RGPD3: variants seen among roughly 807,000 people sequenced by gnomAD.
RGPD3 encodes RANBP2 like and GRIP domain containing 3.
In RGPD3, 62 loss-of-function variants were observed where a neutral mutation model predicts 154.5. The observed-to-expected ratio is 0.40, with a 90% CI of 0.33 to 0.50. The LOEUF is 0.50. RGPD3 is among the 20% of genes least tolerant of loss of function. The pLI, the probability that RGPD3 is intolerant of heterozygous loss-of-function variation, is 0.59. For missense variants in RGPD3, 919 were observed against 1,716.8 expected, an observed-to-expected ratio of 0.54 and a Z score of 8.21; for synonymous variants, 308 against 607.0, an observed-to-expected ratio of 0.51 and a Z score of 7.24.
At chr2:106,415,405 C>T (rs182038508) in intron 21 of RGPD3, among the ~76,000 whole-genome samples, 3 of 152,004 alleles carry the variant, frequency 2.0e-5, no homozygotes, top group Admixed American at 6.5e-5. Flanking sequence ...TGGCTGGATG[C>T]GGTGGCTCAC....
intron 4 of RGPD3, 133 bp downstream of exon 4, chr2:106,456,838 C>CT: frequency 7.0e-7 from 1 of 1,425,438 alleles, no homozygotes; most frequent in Non-Finnish European, 9.4e-7. Flanking sequence ...TTTTAATACA[C>CT]TTTTTAAAAG....
chr2:106,450,705 CAAAAA>C (rs768839840), intron 6 of RGPD3, among the ~76,000 whole-genome samples: 1,576 of 42,712 alleles, frequency 0.037, no homozygotes, highest in Middle Eastern at 0.071. Context: ...GACTCTGTCT[CAAAAA>C]AAAAAAAAAA....
At chr2:106,407,571 CT>C (rs1386985776) in intron 22 of RGPD3, among the ~76,000 whole-genome samples, 1 of 151,644 alleles carries the variant, frequency 6.6e-6, no homozygotes, top group Non-Finnish European at 1.5e-5. Flanking sequence ...CTGAAATGCA[CT>C]GTTGTATGTT....
rs961655561 is a variant in RGPD3 at position 106,421,490 on chromosome 2, G to C, written c.4924+1553C>G. Among the ~76,000 whole-genome samples the C allele has an allele frequency of 2.6e-5, 4 of 151,122 alleles. 1 individual carries two copies. Among genetic ancestry groups the C allele is most frequent in the East Asian group, 2.0e-4 (1 of 5,048 alleles). ...TTTTACTTTATCATTGTACTTGTTT[G>C]GCATGGCTAAGATGTGTTACTGGTC... On this transcript the variant is annotated intron_variant, in intron 20 of 22. Transcript: ENST00000409886.
intron 20 of RGPD3, among the ~76,000 whole-genome samples, chr2:106,420,704 G>T (rs1209950385): frequency 1.3e-5 from 2 of 152,266 alleles, no homozygotes; most frequent in Non-Finnish European, 2.9e-5. Context: ...TATCGATAAA[G>T]TTACTTTCAT....
intron 17 of RGPD3, among the ~76,000 whole-genome samples, chr2:106,432,062 G>T (rs1677378405): frequency 6.7e-6 from 1 of 148,276 alleles, no homozygotes; most frequent in Non-Finnish European, 1.5e-5. Flanking sequence ...CCTTCTCTGT[G>T]TCAGGAACTC....
In RGPD3 at chr2:106,424,279, C is replaced by T. The variant is rs781240629; in HGVS notation, c.3688G>A (p.Gly1230Ser). The T allele has an allele frequency of 2.1e-5, 34 of 1,611,826 alleles. No individual in the cohort carries two copies. The highest frequency in any genetic ancestry group is 1.6e-4 in the African/African-American group (12 of 74,822). The change falls in exon 20 of 23, where the codon GGT becomes AGT. Residue 1230 changes from glycine (G) to serine (S), a missense_variant. By Grantham distance (56) the Gly-to-Ser change is moderately conservative. Coordinates refer to ENST00000409886, the MANE Select transcript of RGPD3 (RefSeq NM_001144013.2). ...ENKGSGTGAAGASDTTIKPNA... is the reference protein window; with the variant it reads ...ENKGSGTGAASASDTTIKPNA... ...GGTTTTATTGTTGTGTCTGAGGCAC[C>T]GGCCGCACCTGTACCTGAACCCTTA...
chr2:106,468,498 A>C (rs1236564270), upstream of RGPD3: 1 of 994,744 alleles, frequency 1.0e-6, no homozygotes, highest in Non-Finnish European at 1.4e-6. Flanking sequence ...TCTTGGCAGC[A>C]CCCTGTGCTC....
chr2:106,468,754 T>A (rs965813908), upstream of RGPD3, among the ~76,000 whole-genome samples: 2 of 126,750 alleles, frequency 1.6e-5, no homozygotes, highest in African/African-American at 6.2e-5. Context: ...TGCAGTACGG[T>A]GAGATTGCCC....
At chr2:106,417,356 G>A (rs1222693054) in intron 20 of RGPD3, among the ~76,000 whole-genome samples, 1 of 141,592 alleles carries the variant, frequency 7.1e-6, no homozygotes, top group Non-Finnish European at 1.5e-5. Context: ...AACAGGTAGT[G>A]GAATATTGAA....
chr2:106,447,995 C>G (rs1273084230), intron 6 of RGPD3, among the ~76,000 whole-genome samples: 1 of 151,122 alleles, frequency 6.6e-6, no homozygotes, highest in Non-Finnish European at 1.5e-5. Context: ...TGTAATTTCT[C>G]AAATTAGACA....
In RGPD3 at chr2:106,421,538, C is replaced by T. The variant is rs534053818; in HGVS notation, c.4924+1505G>A. 6.3e-3 allele frequency among the ~76,000 whole-genome samples: 947 copies of T among 150,996 alleles called. 8 individuals carry two copies. The highest frequency in any genetic ancestry group is 0.011 in the Non-Finnish European group (737 of 67,608). On this transcript the variant is annotated intron_variant, in intron 20 of 22. Coordinates refer to ENST00000409886, the MANE Select transcript of RGPD3 (RefSeq NM_001144013.2). ...GTCACTAAGGGTGAGATTTCACTTC[C>T]CTAACCTGTTCTTGAAGGCCTTCAA...
intron 1 of RGPD3, among the ~76,000 whole-genome samples, chr2:106,466,075 C>G (rs1163317543): frequency 6.6e-6 from 1 of 151,722 alleles, no homozygotes; most frequent in East Asian, 1.9e-4. Context: ...CACCCGGGTG[C>G]CCAAGCCCCC....
At chr2:106,468,069 A>G (rs1386069666) in intron 1 of RGPD3, 148 bp downstream of exon 1, 10 of 978,954 alleles carry the variant, frequency 1.0e-5, no homozygotes, top group East Asian at 8.6e-5. Flanking sequence ...CCGCAGGGCC[A>G]GGTCGAGGCC....
At chr2:106,410,295 A>G (rs1676632298) in intron 22 of RGPD3, among the ~76,000 whole-genome samples, 2 of 152,206 alleles carry the variant, frequency 1.3e-5, no homozygotes. Context: ...CAAGTAGTAA[A>G]TAATCTTTAA....
chr2:106,433,100 GTTTACCT>G lies in RGPD3; in HGVS notation c.2384_2385+5del. ...CAATGAAATGATTCCATTCTTTCCT[GTTTACCT>G]TGTAACTTTTACTTGGTGATAGTGA... On this transcript the variant is annotated splice_donor_variant and splice_donor_5th_base_variant and coding_sequence_variant and intron_variant, in exon 16 of 23. Transcript: ENST00000409886. LOFTEE classifies it high-confidence loss of function. The G allele has an allele frequency of 3.7e-6, 6 of 1,610,228 alleles. No individual in the cohort carries two copies. Among genetic ancestry groups the G allele is most frequent in the Non-Finnish European group, 5.1e-6 (6 of 1,178,920 alleles).
chr2:106,450,161 C>T lies in RGPD3; in HGVS notation c.782+2044G>A, dbSNP rs1456989791. Among the ~76,000 whole-genome samples the T allele has an allele frequency of 9.6e-5, 13 of 135,948 alleles. No individual in the cohort carries two copies. The South Asian group carries it at 1.2e-3, about 12-fold the overall frequency. The allele number at this position is 135,948 out of a possible 152,430, so 89.2% of individuals were successfully genotyped here. ...TTGGGAGGCCGAGGAGGGCAGATCACGAGGTCAGGAGATCGAGACCATCCT... is the reference window on the plus strand; with the variant it reads ...TTGGGAGGCCGAGGAGGGCAGATCATGAGGTCAGGAGATCGAGACCATCCT... On this transcript the variant is annotated intron_variant, in intron 6 of 22. Coordinates refer to ENST00000409886, the MANE Select transcript of RGPD3 (RefSeq NM_001144013.2).
chr2:106,428,653 GA>G lies in RGPD3; in HGVS notation c.2605+992del, dbSNP rs547014323. ...CACACAAATGTGCTCATCTAAACCA[GA>G]TTTTATTCTAAATCTTTCCTGGGCT... is the stretch of plus-strand genomic sequence containing the variant. On this transcript the variant is annotated intron_variant, in intron 18 of 22. Transcript: ENST00000409886. 3.0e-3 allele frequency among the ~76,000 whole-genome samples: 460 copies of G among 151,922 alleles called. 7 individuals are homozygous for G. The highest frequency in any genetic ancestry group is 0.011 in the African/African-American group (449 of 41,440).
chr2:106,448,737 C>T (rs934869557), intron 6 of RGPD3, among the ~76,000 whole-genome samples: 4 of 151,956 alleles, frequency 2.6e-5, no homozygotes, highest in African/African-American at 7.3e-5. Context: ...TGTCACAAGG[C>T]TGGAGTGCAG....
Sources: gnomAD v4.1 joint callset for allele counts (sites outside exome capture counted in the v4.1 genomes callset) on GRCh38, gnomAD v4.1.1 for gene constraint, MANE v1.5 for transcripts, NCBI Gene and HGNC (gene_info 2026-07-23, HGNC 2026-07-21) for gene names.